KLF8: variants seen among roughly 807,000 people sequenced by gnomAD.
The protein encoded by KLF8 is Krueppel-like factor 8.
KLF8 carries 10 observed loss-of-function variants against 18.2 expected under a neutral mutation model. That is an observed-to-expected ratio of 0.55 (90% CI 0.34 to 0.93). The LOEUF (loss-of-function observed/expected upper bound fraction) is 0.93, where lower values mean the gene tolerates loss of function less well. KLF8 is among the 40% of genes least tolerant of loss of function. KLF8 has a pLI of 0.02. For missense variants in KLF8, 264 were observed against 277.9 expected (o/e 0.95, Z 0.36); for synonymous variants, 109 against 97.3 (o/e 1.12, Z -0.71).
At chrX:56,202,567 C>CT in the KLF8 span, among the ~76,000 whole-genome samples, 1 of 95,865 alleles carries the variant, frequency 1.0e-5, no homozygotes, top group Non-Finnish European at 2.1e-5. Context: ...CTTCCCCCCC[C>CT]CTCCCACCTG....
chrX:55,972,295 C>G, the KLF8 span, among the ~76,000 whole-genome samples: 1 of 111,101 alleles, frequency 9.0e-6, no homozygotes, highest in African/African-American at 3.3e-5. Flanking sequence ...AAAAGACAAA[C>G]TTTGCATGTT....
intron 2 of KLF8, among the ~76,000 whole-genome samples, chrX:56,264,043 A>G (rs2066923843): frequency 1.8e-5 from 2 of 111,875 alleles, no homozygotes; most frequent in African/African-American, 6.5e-5. Context: ...CCATAATTCA[A>G]GTATCATGCT....
chrX:56,100,729 C>G, the KLF8 span, among the ~76,000 whole-genome samples: 3 of 111,885 alleles, frequency 2.7e-5, no homozygotes, highest in African/African-American at 9.7e-5. Flanking sequence ...CACAAGAGAA[C>G]TAGAATTAGA....
the KLF8 span, among the ~76,000 whole-genome samples, chrX:56,076,555 G>C: frequency 9.0e-6 from 1 of 111,057 alleles, no homozygotes; most frequent in African/African-American, 3.3e-5. Flanking sequence ...GGACATTTGG[G>C]TTGGTTCCAA....
chrX:56,138,678 G>A, the KLF8 span, among the ~76,000 whole-genome samples: 3 of 111,004 alleles, frequency 2.7e-5, no homozygotes, highest in African/African-American at 9.8e-5. Context: ...AAAAAAATAA[G>A]AGCCATCTCT....
the KLF8 span, among the ~76,000 whole-genome samples, chrX:56,162,620 G>A: frequency 8.9e-6 from 1 of 111,854 alleles, no homozygotes; most frequent in Non-Finnish European, 1.9e-5. Context: ...CATTGGAAAA[G>A]TGCAGTATTA....
chrX:56,268,915 G>A (rs2067007518), intron 3 of KLF8: 2 of 951,311 alleles, frequency 2.1e-6, no homozygotes, highest in Non-Finnish European at 2.7e-6. Flanking sequence ...CTGTTTAGGA[G>A]CACAAAGGCC....
chrX:56,198,320 A>T, the KLF8 span, among the ~76,000 whole-genome samples: 2 of 112,073 alleles, frequency 1.8e-5, no homozygotes, highest in African/African-American at 6.5e-5. Flanking sequence ...TGATGACTTG[A>T]TGGTATATTT....
the KLF8 span, among the ~76,000 whole-genome samples, chrX:56,209,618 C>T: frequency 9.0e-6 from 1 of 111,358 alleles, no homozygotes. Context: ...GATTCCATCT[C>T]CAAAAAGAAA....
chrX:55,956,092 C>T, the KLF8 span, among the ~76,000 whole-genome samples: 1 of 110,309 alleles, frequency 9.1e-6, no homozygotes, highest in Non-Finnish European at 1.9e-5. Context: ...CCTTCCTAAT[C>T]ACATGAGCGA....
At chrX:55,910,165 T>C in the KLF8 span, among the ~76,000 whole-genome samples, 1 of 112,056 alleles carries the variant, frequency 8.9e-6, no homozygotes, top group Non-Finnish European at 1.9e-5. Flanking sequence ...GGTAGGGAAC[T>C]GTGACAGAGC....
At chrX:56,210,068 A>G in the KLF8 span, among the ~76,000 whole-genome samples, 5 of 112,018 alleles carry the variant, frequency 4.5e-5, no homozygotes, top group Non-Finnish European at 9.4e-5. Flanking sequence ...TTAAGGTAAA[A>G]GTAGTTTGCA....
At chrX:56,069,256 T>G in the KLF8 span, among the ~76,000 whole-genome samples, 2 of 111,624 alleles carry the variant, frequency 1.8e-5, no homozygotes, top group African/African-American at 6.5e-5. Flanking sequence ...GATGGCAGGG[T>G]GCATGACCCC....
intron 1 of KLF8, among the ~76,000 whole-genome samples, chrX:56,246,919 G>T (rs1318337047): frequency 1.8e-5 from 2 of 110,973 alleles, no homozygotes; most frequent in African/African-American, 6.6e-5. Context: ...AGATTCTTTG[G>T]GCCAGAGTTC....
At chrX:56,283,345 A>T (rs1358215729) in intron 5 of KLF8, among the ~76,000 whole-genome samples, 1 of 111,544 alleles carries the variant, frequency 9.0e-6, no homozygotes, top group Non-Finnish European at 1.9e-5. Flanking sequence ...TCACACATTC[A>T]TCCTGTGTAT....
chrX:56,089,340 G>T, the KLF8 span, among the ~76,000 whole-genome samples: 1 of 112,073 alleles, frequency 8.9e-6, no homozygotes, highest in Non-Finnish European at 1.9e-5. Context: ...CGGAGAAGCT[G>T]TGCCTACAAT....
At chrX:55,948,688 G>A in the KLF8 span, among the ~76,000 whole-genome samples, 2 of 110,173 alleles carry the variant, frequency 1.8e-5, no homozygotes, top group East Asian at 2.8e-4. Flanking sequence ...GGTTTTTGGA[G>A]CCCGTTAGAT....
the KLF8 span, among the ~76,000 whole-genome samples, chrX:56,040,046 G>A: frequency 1.8e-5 from 2 of 110,869 alleles, no homozygotes; most frequent in African/African-American, 6.6e-5. Flanking sequence ...TGGTGCATAG[G>A]AATAGTAGTG....
the KLF8 span, among the ~76,000 whole-genome samples, chrX:56,216,285 A>G: frequency 9.0e-6 from 1 of 111,007 alleles, no homozygotes; most frequent in African/African-American, 3.3e-5. Flanking sequence ...AACCAAAAAT[A>G]TGTTTTCAAA....
Sources: allele counts gnomAD v4.1 joint callset (sites outside exome capture counted in the v4.1 genomes callset), GRCh38; gene constraint gnomAD v4.1.1; transcripts MANE v1.5; gene names NCBI Gene and HGNC (gene_info 2026-07-23, HGNC 2026-07-21).